Variants in CEP63 observed in about 807,000 individuals in gnomAD.
The protein encoded by CEP63 is centrosomal protein of 63 kDa.
Under a neutral mutation model 89.1 loss-of-function variants are expected in CEP63, and 84 were observed. That is an observed-to-expected ratio of 0.94 (90% CI 0.79 to 1.13). The LOEUF (loss-of-function observed/expected upper bound fraction) is 1.13, where lower values mean the gene tolerates loss of function less well. Ranked by LOEUF, CEP63 falls within the 50% of genes most tolerant of loss-of-function variation. CEP63 has a pLI of 0.00. For synonymous variants in CEP63, 267 were observed against 272.5 expected (o/e 0.98, Z 0.20); for missense variants, 838 against 813.3 (o/e 1.03, Z -0.37).
rs956955204 is a variant in CEP63 at position 134,547,354 on chromosome 3, G to A, written c.949G>A (p.Ala317Thr). ...EAIRPREESL[A>T]EKKYTSQGQG... The stretch of plus-strand genomic sequence containing the variant: ...CCATAGGCCACGGGAAGAATCTCTG[G>A]CAGAAAAGAAGTACACCTCTCAAGG... The change falls in exon 9 of 15, where the codon GCA becomes ACA. Residue 317 changes from alanine to threonine, a missense_variant. By Grantham distance (58) the Ala-to-Thr change is moderately conservative (BLOSUM62 0). Transcript: ENST00000675561. 1.1e-5 allele frequency: 17 copies of A among 1,613,562 alleles called. No homozygotes were observed. Among genetic ancestry groups the A allele is most frequent in the Non-Finnish European group, 1.4e-5 (17 of 1,179,628 alleles).
intron 3 of CEP63, among the ~76,000 whole-genome samples, chr3:134,525,825 T>G (rs1169335167): frequency 1.3e-5 from 2 of 152,224 alleles, no homozygotes; most frequent in Non-Finnish European, 2.9e-5. Context: ...TGATATTCCC[T>G]TTATAGGTGA....
At chr3:134,629,614 T>C in the CEP63 span, 1 of 1,592,552 alleles carries the variant, frequency 6.3e-7, no homozygotes, top group Non-Finnish European at 8.6e-7. Flanking sequence ...ACCTGTGTCA[T>C]ACATACGTTT....
At chr3:134,651,214 C>T in the CEP63 span, 3 of 1,299,270 alleles carry the variant, frequency 2.3e-6, no homozygotes, top group East Asian at 3.7e-5. Context: ...CGGGCCCAAG[C>T]CTTGACCTGC....
chr3:134,645,988 G>A, the CEP63 span, among the ~76,000 whole-genome samples: 1,834 of 152,280 alleles, frequency 0.012, 31 homozygotes, highest in African/African-American at 0.042. Context: ...TAAGATGAGT[G>A]TCAGACAACT....
At chr3:134,622,239 G>A in the CEP63 span, among the ~76,000 whole-genome samples, 1 of 152,186 alleles carries the variant, frequency 6.6e-6, no homozygotes, top group Non-Finnish European at 1.5e-5. Context: ...CGAAGGCAGA[G>A]ACTCAAACAG....
Position 134,537,160 on chromosome 3 carries a change from C to G in CEP63, c.447C>G (p.Phe149Leu). ...IERLTAKIEE[F>L]RQKSLDWEKQ... The stretch of plus-strand genomic sequence containing the variant: ...TACTCTAATTGCCTCCTCAGGAATT[C>G]CGTCAGAAATCGCTGGACTGGGAGA... Residue 149 changes from phenylalanine (F) to leucine (L), a missense_variant, in exon 6 of 15, where the codon TTC (phenylalanine) becomes TTG (leucine). Coordinates refer to ENST00000675561, the MANE Select transcript of CEP63 (RefSeq NM_001353108.3). 1 of 1,609,248 alleles carries G rather than the reference C, an allele frequency of 6.2e-7. No homozygotes were observed.
chr3:134,644,046 C>T, the CEP63 span, among the ~76,000 whole-genome samples: 1 of 152,068 alleles, frequency 6.6e-6, no homozygotes, highest in Non-Finnish European at 1.5e-5. Context: ...AGGATGGTCT[C>T]GATCTCCTGA....
At chr3:134,782,175 A>G in the CEP63 span, among the ~76,000 whole-genome samples, 131 of 152,360 alleles carry the variant, frequency 8.6e-4, no homozygotes, top group African/African-American at 2.9e-3. Flanking sequence ...TAAATGGGAC[A>G]ATAGATTTCT....
At chr3:134,774,533 C>CA in the CEP63 span, among the ~76,000 whole-genome samples, 1 of 152,180 alleles carries the variant, frequency 6.6e-6, no homozygotes, top group Non-Finnish European at 1.5e-5. Flanking sequence ...CAGGGTTCCC[C>CA]AGGTGGGACA....
At chr3:134,727,518 C>T in the CEP63 span, among the ~76,000 whole-genome samples, 1 of 152,010 alleles carries the variant, frequency 6.6e-6, no homozygotes, top group Admixed American at 6.6e-5. Flanking sequence ...GGAGTACGTG[C>T]AAGTGGGCTG....
chr3:134,633,627 A>G, the CEP63 span, among the ~76,000 whole-genome samples: 1 of 152,136 alleles, frequency 6.6e-6, no homozygotes, highest in Non-Finnish European at 1.5e-5. Flanking sequence ...GAAACCTACA[A>G]AAAGCATACA....
intron 3 of CEP63, among the ~76,000 whole-genome samples, chr3:134,525,745 T>G (rs1948510427): frequency 6.6e-6 from 1 of 152,250 alleles, no homozygotes; most frequent in Admixed American, 6.5e-5. Context: ...TTCTTTTCTT[T>G]AAGAATGTTG....
the CEP63 span, among the ~76,000 whole-genome samples, chr3:134,701,601 C>G: frequency 1.3e-5 from 2 of 151,648 alleles, no homozygotes; most frequent in Admixed American, 1.3e-4. Context: ...CCATATATAA[C>G]AAACCCATGG....
chr3:134,731,533 G>A, the CEP63 span, among the ~76,000 whole-genome samples: 1 of 152,132 alleles, frequency 6.6e-6, no homozygotes, highest in Non-Finnish European at 1.5e-5. Flanking sequence ...AGAATTCAAA[G>A]TGGACTTTTA....
the CEP63 span, among the ~76,000 whole-genome samples, chr3:134,767,734 G>A: frequency 6.6e-6 from 1 of 152,166 alleles, no homozygotes; most frequent in African/African-American, 2.4e-5. Context: ...CTGGGTTCTT[G>A]CCGAGGGCTT....
Position 134,548,259 on chromosome 3 carries a change from T to G in CEP63, c.1067+787T>G, listed in dbSNP as rs77239056. On this transcript the variant is annotated intron_variant, in intron 9 of 14. Transcript: ENST00000675561. ...CTATACTGACTCTACTTCTTTACCT[T>G]TCACCTGTTTAGCAGCCCTTCACTT... Among the ~76,000 whole-genome samples, 957 of 152,338 alleles carry G rather than the reference T, an allele frequency of 6.3e-3. 22 individuals are homozygous for G. The South Asian group carries it at 0.074, about 12-fold the overall frequency.
At chr3:134,641,457 G>A in the CEP63 span, among the ~76,000 whole-genome samples, 1 of 152,140 alleles carries the variant, frequency 6.6e-6, no homozygotes, top group Non-Finnish European at 1.5e-5. Flanking sequence ...ATGTGACAAT[G>A]GAAGCAGAGT....
the CEP63 span, among the ~76,000 whole-genome samples, chr3:134,684,681 C>T: frequency 6.6e-6 from 1 of 152,230 alleles, no homozygotes; most frequent in Non-Finnish European, 1.5e-5. Context: ...CCATCTGTTG[C>T]AACTTTGTCC....
At chr3:134,604,525 G>A in the CEP63 span, 6 of 1,473,670 alleles carry the variant, frequency 4.1e-6, no homozygotes, top group East Asian at 2.3e-5. Context: ...ACGTGCTGAT[G>A]TGCTGGTAAA....
Sources: allele counts gnomAD v4.1 joint callset (sites outside exome capture counted in the v4.1 genomes callset), GRCh38; gene constraint gnomAD v4.1.1; transcripts MANE v1.5; gene names NCBI Gene and HGNC (gene_info 2026-07-23, HGNC 2026-07-21).